Variants in HOMER1 observed in about 807,000 individuals in gnomAD.
HOMER1 encodes homer protein homolog 1.
HOMER1 carries 3 observed loss-of-function variants against 48.9 expected under a neutral mutation model. The observed-to-expected ratio is 0.06, with a 90% CI of 0.03 to 0.16. The LOEUF (loss-of-function observed/expected upper bound fraction) is 0.16, where lower values mean the gene tolerates loss of function less well. Ranked by LOEUF, HOMER1 falls within the 10% of genes least tolerant of loss-of-function variation. The pLI is 1.00. For missense variants in HOMER1, 247 were observed against 411.4 expected, an observed-to-expected ratio of 0.60 and a Z score of 3.46; for synonymous variants, 134 against 146.4, an observed-to-expected ratio of 0.92 and a Z score of 0.61.
chr5:79,467,349 C>T (rs1751498629), intron 1 of HOMER1, among the ~76,000 whole-genome samples: 1 of 137,876 alleles, frequency 7.3e-6, no homozygotes, highest in African/African-American at 2.8e-5. Flanking sequence ...CGAGATTGCA[C>T]CATTGCATTC....
At chr5:79,378,048 C>T (rs781193012) in intron 8 of HOMER1, among the ~76,000 whole-genome samples, 10 of 151,778 alleles carry the variant, frequency 6.6e-5, no homozygotes, top group Non-Finnish European at 2.9e-5. Flanking sequence ...CGAATCCCTT[C>T]GTCTCTACTA....
At chr5:79,507,212 C>CAAAAA (rs34697575) in intron 1 of HOMER1, among the ~76,000 whole-genome samples, 56 of 51,898 alleles carry the variant, frequency 1.1e-3, no homozygotes, top group Non-Finnish European at 1.7e-3. Context: ...GGCTCTATCT[C>CAAAAA]AAAAAAAAAA....
chr5:79,392,405 T>C (rs1749275352), intron 8 of HOMER1, among the ~76,000 whole-genome samples: 1 of 152,198 alleles, frequency 6.6e-6, no homozygotes, highest in South Asian at 2.1e-4. Flanking sequence ...CTAATATGTG[T>C]GTTTGTGTCT....
intron 8 of HOMER1, among the ~76,000 whole-genome samples, chr5:79,380,025 T>C (rs1224445273): frequency 6.6e-6 from 1 of 152,090 alleles, no homozygotes; most frequent in Non-Finnish European, 1.5e-5. Flanking sequence ...AAATGGATCA[T>C]CCAACAGAGG....
chr5:79,482,656 T>G (rs1418220840), intron 1 of HOMER1, among the ~76,000 whole-genome samples: 1 of 152,038 alleles, frequency 6.6e-6, no homozygotes, highest in East Asian at 1.9e-4. Context: ...TGGGATAACT[T>G]CAAGCAACCT....
chr5:79,416,190 A>G (rs773844037), intron 5 of HOMER1, among the ~76,000 whole-genome samples: 23 of 152,214 alleles, frequency 1.5e-4, no homozygotes, highest in Admixed American at 6.5e-5. Flanking sequence ...AACCCAGTCA[A>G]TGATTTATAT....
intron 5 of HOMER1, 113 bp from the exon 6 acceptor site, chr5:79,402,168 C>CT (rs1296790356): frequency 0.14 from 88,589 of 648,642 alleles, 368 homozygotes; most frequent in African/African-American, 0.15. Context: ...GTTTTCTTTT[C>CT]TTTTTTTTTT....
intron 3 of HOMER1, among the ~76,000 whole-genome samples, chr5:79,448,563 G>T (rs998322544): frequency 1.3e-5 from 2 of 151,894 alleles, no homozygotes; most frequent in Admixed American, 1.3e-4. Flanking sequence ...TTCAACGATG[G>T]TACTTTCCCT....
At chr5:79,490,535 T>G (rs10077726) in intron 1 of HOMER1, among the ~76,000 whole-genome samples, 28,211 of 152,066 alleles carry the variant, frequency 0.19, 2,880 homozygotes, top group Admixed American at 0.3. Context: ...TAAATAATAT[T>G]TAAAACTCAA....
intron 5 of HOMER1, among the ~76,000 whole-genome samples, chr5:79,433,656 A>G (rs1750485928): frequency 6.6e-6 from 1 of 152,202 alleles, no homozygotes; most frequent in Admixed American, 6.5e-5. Context: ...TTTTGTATTT[A>G]TTTTGGTGTT....
At chr5:79,468,373 C>A (rs1183968493) in intron 1 of HOMER1, among the ~76,000 whole-genome samples, 1 of 151,982 alleles carries the variant, frequency 6.6e-6, no homozygotes, top group African/African-American at 2.4e-5. Flanking sequence ...GCTCTAAATG[C>A]AAAATACATA....
At chr5:79,436,670 T>C (rs968386424) in intron 5 of HOMER1, among the ~76,000 whole-genome samples, 3 of 152,210 alleles carry the variant, frequency 2.0e-5, no homozygotes, top group Non-Finnish European at 4.4e-5. Context: ...GAATGGCCTA[T>C]TAAATTGATA....
intron 5 of HOMER1, among the ~76,000 whole-genome samples, chr5:79,403,917 T>C (rs1180037667): frequency 6.6e-6 from 1 of 152,210 alleles, no homozygotes; most frequent in Non-Finnish European, 1.5e-5. Flanking sequence ...GCTAAGCTAT[T>C]AACTTAACAA....
intron 8 of HOMER1, among the ~76,000 whole-genome samples, chr5:79,387,169 T>C (rs1749140412): frequency 6.6e-6 from 1 of 151,744 alleles, no homozygotes; most frequent in African/African-American, 2.4e-5. Context: ...TCTCATTCTG[T>C]CACCCAGACG....
intron 5 of HOMER1, among the ~76,000 whole-genome samples, chr5:79,427,729 C>T (rs187062626): frequency 1.0e-4 from 12 of 119,094 alleles, no homozygotes; most frequent in African/African-American, 1.9e-4. Context: ...TTCCTTCCTT[C>T]CCTTCCTTCC....
At chr5:79,405,310 T>C (rs374173770) in intron 5 of HOMER1, among the ~76,000 whole-genome samples, 1 of 152,172 alleles carries the variant, frequency 6.6e-6, no homozygotes, top group African/African-American at 2.4e-5. Flanking sequence ...CTCAGACTTC[T>C]AGCCTCCAGA....
intron 1 of HOMER1, among the ~76,000 whole-genome samples, chr5:79,476,994 A>G (rs1490526106): frequency 6.6e-6 from 1 of 152,320 alleles, no homozygotes; most frequent in East Asian, 1.9e-4. Flanking sequence ...TTGACTCACA[A>G]TCAGATCAGA....
chr5:79,443,168 ACTATGT>A (rs1750784861), intron 4 of HOMER1, among the ~76,000 whole-genome samples: 1 of 152,202 alleles, frequency 6.6e-6, no homozygotes, highest in Non-Finnish European at 1.5e-5. Flanking sequence ...TGAATTAAGT[ACTATGT>A]AAACTACTGA....
chr5:79,379,345 TTA>T (rs1181037156), intron 8 of HOMER1, among the ~76,000 whole-genome samples: 1 of 105,820 alleles, frequency 9.5e-6, no homozygotes, highest in Non-Finnish European at 1.8e-5. Context: ...TTTATATATT[TTA>T]TATATTATAT....
Sources: allele counts gnomAD v4.1 joint callset (sites outside exome capture counted in the v4.1 genomes callset), GRCh38; gene constraint gnomAD v4.1.1; transcripts MANE v1.5; gene names NCBI Gene and HGNC (gene_info 2026-07-23, HGNC 2026-07-21).